Variants in PUS7L observed in about 807,000 individuals in gnomAD.
The protein encoded by PUS7L is pseudouridylate synthase PUS7L.
A neutral mutation model predicts 51.1 loss-of-function variants in PUS7L; 49 were observed. That is an observed-to-expected ratio of 0.96 (90% CI 0.76 to 1.22). The LOEUF is 1.22. PUS7L is among the 50% of genes most tolerant of loss of function. PUS7L has a pLI of 0.00. For missense variants in PUS7L, 828 were observed against 820.6 expected (o/e 1.01, Z -0.11); for synonymous variants, 277 against 276.2 (o/e 1.00, Z -0.03).
Position 43,751,233 on chromosome 12 carries a change from A to C in PUS7L, c.911-2624T>G, listed in dbSNP as rs1460255149. Among the ~76,000 whole-genome samples the C allele has an allele frequency of 4.0e-4, 61 of 151,628 alleles. 1 individual carries two copies. The highest frequency in any genetic ancestry group is 4.0e-3 in the Admixed American group (61 of 15,200). On this transcript the variant is annotated intron_variant, in intron 2 of 8. Transcript: ENST00000344862. ...ATTATTATACTTTAAGTTCTAGGGTACATGTGCACAACATGCAGGTTTGTT... is the reference window on the plus strand; with the variant it reads ...ATTATTATACTTTAAGTTCTAGGGTCCATGTGCACAACATGCAGGTTTGTT...
chr12:43,743,626 G>C (rs905326507), intron 4 of PUS7L, among the ~76,000 whole-genome samples: 1 of 152,216 alleles, frequency 6.6e-6, no homozygotes, highest in African/African-American at 2.4e-5. Flanking sequence ...AGCTGGGCGT[G>C]GTGGCGGGCA....
intron 2 of PUS7L, among the ~76,000 whole-genome samples, chr12:43,751,008 A>G (rs1938414269): frequency 6.6e-6 from 1 of 152,072 alleles, no homozygotes; most frequent in African/African-American, 2.4e-5. Flanking sequence ...AATGCTATGT[A>G]TTATTTATTG....
At chr12:43,750,840 G>A (rs9783418) in intron 2 of PUS7L, among the ~76,000 whole-genome samples, 35,140 of 152,124 alleles carry the variant, frequency 0.23, 6,472 homozygotes, top group African/African-American at 0.51. Context: ...TGCTGAGTTA[G>A]GAGGGTAGAT....
At chr12:43,742,603 A>G (rs1937956813) in intron 4 of PUS7L, 48 bp from the exon 5 acceptor site, 6 of 1,491,314 alleles carry the variant, frequency 4.0e-6, no homozygotes, top group South Asian at 2.6e-5. Context: ...AAATACAATT[A>G]TGTGTCAAAA....
At chr12:43,731,795 A>C (rs768977332) in intron 7 of PUS7L, 37 bp from the exon 8 acceptor site, 1 of 1,276,872 alleles carries the variant, frequency 7.8e-7, no homozygotes, top group South Asian at 1.3e-5. Flanking sequence ...AATGATTCCC[A>C]AATGTTCCAA....
rs1431345560 is a variant in PUS7L, at chr12:43,736,444, T to C, written c.1662A>G (p.Val554=). 9 of 1,614,104 alleles carry C rather than the reference T, an allele frequency of 5.6e-6. No homozygotes were observed. The highest frequency in any genetic ancestry group is 1.1e-5 in the South Asian group (1 of 91,094). The change falls in exon 7 of 9, where the codon GTA becomes GTG. Residue 554 remains valine, a synonymous_variant. Coordinates refer to ENST00000344862, the MANE Select transcript of PUS7L (RefSeq NM_031292.5). ...CCAAACAGACCAAATCACCCTGCAC[T>C]ACTCTTGCTCCATAGGTTTCAAGTC... ...SYRLETYGAR[V]VQGDLVCLDE... is the part of the protein sequence containing the mutation.
In PUS7L at chr12:43,730,311, A is replaced by T; in HGVS notation, c.*65T>A. On this transcript the variant is annotated 3_prime_UTR_variant, in exon 9 of 9. Transcript: ENST00000344862. ...AGTTCCTAACACATGGAAGGTGCTT[A>T]AGACATTTTAGCCCCCTTTCCTTCA... 1 of 1,189,278 alleles carries T rather than the reference A, an allele frequency of 8.4e-7. No homozygotes were observed. Among genetic ancestry groups the T allele is most frequent in the Non-Finnish European group, 1.2e-6 (1 of 824,020 alleles). The allele number at this position is 1,189,278 out of a possible 1,614,324, so 73.7% of individuals were successfully genotyped here. A position where few individuals can be genotyped will look rare whatever the true frequency, so the allele number is the denominator to read the frequency against.
At chr12:43,752,023 T>G (rs957434237) in intron 2 of PUS7L, among the ~76,000 whole-genome samples, 1 of 152,254 alleles carries the variant, frequency 6.6e-6, no homozygotes, top group Non-Finnish European at 1.5e-5. Context: ...TCTGTTCATA[T>G]CCTTTGCCCA....
At position 43,758,654 on chromosome 12, in the gene PUS7L, ACC is replaced by A. The variant is rs760755963; in HGVS notation, c.-17+74_-17+75del. 5.8e-3 allele frequency: 2,650 copies of A among 460,122 alleles called. 9 individuals are homozygous for A. The highest frequency in any genetic ancestry group is 6.2e-3 in the South Asian group (54 of 8,742). The allele number at this position is 460,122 out of a possible 1,614,324, so 28.5% of individuals were successfully genotyped here. ...ATGGATCCTCAATGCCAACCTCGTC[ACC>A]CCCCCCCCCCACACACACACACACA... is the stretch of plus-strand genomic sequence containing the variant. On this transcript the variant is annotated intron_variant, in intron 1 of 8. Transcript: ENST00000344862.
At chr12:43,736,756 A>G (rs893773134) in intron 6 of PUS7L, 95 bp from the exon 7 acceptor site, 1 of 1,099,218 alleles carries the variant, frequency 9.1e-7, no homozygotes, top group Non-Finnish European at 1.3e-6. Flanking sequence ...GGCAATGAAC[A>G]TGGGTATTAA....
chr12:43,733,991 T>C (rs1944621876), intron 7 of PUS7L, among the ~76,000 whole-genome samples: 1 of 152,222 alleles, frequency 6.6e-6, no homozygotes, highest in Non-Finnish European at 1.5e-5. Context: ...CGACATCTGA[T>C]GTTCTGGCTT....
intron 4 of PUS7L, 65 bp from the exon 5 acceptor site, chr12:43,742,620 A>G: frequency 1.4e-6 from 2 of 1,479,712 alleles, no homozygotes; most frequent in Non-Finnish European, 1.8e-6. Context: ...AAAATACACA[A>G]TTGAATTTTT....
At position 43,754,434 on chromosome 12, in the gene PUS7L, T is replaced by C. The variant is rs765623979; in HGVS notation, c.812A>G (p.Asn271Ser). 5 of 1,613,848 alleles carry C rather than the reference T, an allele frequency of 3.1e-6. No homozygotes were observed. The highest frequency in any genetic ancestry group is 4.2e-6 in the Non-Finnish European group (5 of 1,179,788). The part of the protein sequence containing the change: ...SFSKMNCSAG[N>S]PNVVVTVRFR... ...TCTTACTGTTACCACCACATTCGGA[T>C]TACCAGCACTGCAATTCATTTTAGA... is the stretch of plus-strand genomic sequence containing the variant. Residue 271 changes from asparagine to serine, a missense_variant, in exon 2 of 9, where the codon AAT (asparagine) becomes AGT (serine). By Grantham distance (46) the Asn-to-Ser change is conservative. Coordinates refer to ENST00000344862, the MANE Select transcript of PUS7L (RefSeq NM_031292.5).
intron 4 of PUS7L, among the ~76,000 whole-genome samples, chr12:43,744,415 T>G (rs866850177): frequency 8.5e-5 from 13 of 152,334 alleles, no homozygotes; most frequent in African/African-American, 3.1e-4. Flanking sequence ...GTTTTACAAG[T>G]GTCTGGCATT....
chr12:43,730,691 TG>T lies in PUS7L; in HGVS notation c.1790del (p.Pro597GlnfsTer14), dbSNP rs1166012369. 3.8e-6 allele frequency: 6 copies of T among 1,592,896 alleles called. No individual in the cohort carries two copies. In the East Asian group the frequency reaches 1.4e-4, roughly 36 times the overall value. On this transcript the variant is annotated frameshift_variant, in exon 9 of 9. Transcript: ENST00000344862. LOFTEE classifies it low-confidence loss of function (END_TRUNC). ...GGTACTGAATATTGTATCCAAGTAC[TG>T]GAAGAACCACCTGTGAAAGAAAAGA... is the stretch of plus-strand genomic sequence containing the variant. ...NMYAIHQVVL[P>X]VLGYNIQYPK...
Position 43,738,406 on chromosome 12 carries a change from C to A in PUS7L, c.1363-15G>T. On this transcript the variant is annotated splice_polypyrimidine_tract_variant and intron_variant, in intron 5 of 8. Coordinates refer to ENST00000344862, the MANE Select transcript of PUS7L (RefSeq NM_031292.5). ...ATGGCTTTCATCTTAAAAAATCAAG[C>A]AGGTAAACATGTGTTAATGAAAATG... 1 of 1,390,172 alleles carries A rather than the reference C, an allele frequency of 7.2e-7. No individual in the cohort carries two copies. The highest frequency in any genetic ancestry group is 1.4e-5 in the African/African-American group (1 of 70,038). The allele number at this position is 1,390,172 out of a possible 1,614,324, so 86.1% of individuals were successfully genotyped here.
At position 43,723,567 on chromosome 12, in the gene PUS7L, T is replaced by C. The variant is rs548288619; in HGVS notation, c.*6809A>G. 6.6e-6 allele frequency: 1 copy of C among 152,224 alleles called. No homozygotes were observed. The highest frequency in any genetic ancestry group is 2.1e-4 in the South Asian group (1 of 4,830). The allele number at this position is 152,224 out of a possible 1,614,324, so 9.4% of individuals were successfully genotyped here. On this transcript the variant is annotated 3_prime_UTR_variant, in exon 9 of 9. Coordinates refer to ENST00000344862, the MANE Select transcript of PUS7L (RefSeq NM_031292.5). ...TTAGTCTGCATATTCCACTTGCAAG[T>C]GGCATTTCAAATCAAATGAAAACAA...
Position 43,729,429 on chromosome 12 carries a change from A to G in PUS7L, c.*947T>C. ...TCTTCCTAAATCAATACATGTCTAC[A>G]TGCCAGTCATTCCTCCCCAACACAC... On this transcript the variant is annotated 3_prime_UTR_variant, in exon 9 of 9. Coordinates refer to ENST00000344862, the MANE Select transcript of PUS7L (RefSeq NM_031292.5). The G allele has an allele frequency of 5.4e-6, 2 of 373,050 alleles. No individual in the cohort carries two copies. The highest frequency in any genetic ancestry group is 7.5e-5 in the East Asian group (2 of 26,784). 23.1% of individuals were successfully genotyped at this position (373,050 alleles called of 1,614,324 possible). A position where few individuals can be genotyped will look rare whatever the true frequency, so the allele number is the denominator to read the frequency against.
In PUS7L at chr12:43,746,115, A is replaced by G; in HGVS notation, c.1194T>C (p.Asn398=). 6.6e-7 allele frequency: 1 copy of G among 1,522,232 alleles called. No individual in the cohort carries two copies. Among genetic ancestry groups the G allele is most frequent in the Non-Finnish European group, 9.1e-7 (1 of 1,100,812 alleles). 94.3% of individuals were successfully genotyped at this position (1,522,232 alleles called of 1,614,324 possible). A position where few individuals can be genotyped will look rare whatever the true frequency, so the allele number is the denominator to read the frequency against. ...CAGAATCATTTATTTGTTTTTTTAA[A>G]TTTCTAATGACAATATCAAAGTGAT... ...KGNHFDIVIR[N]LKKQINDSAN... Residue 398 remains asparagine (N), a synonymous_variant, in exon 4 of 9, where the codon AAT becomes AAC. Coordinates refer to ENST00000344862, the MANE Select transcript of PUS7L (RefSeq NM_031292.5).
Sources: gnomAD v4.1 joint callset for allele counts (sites outside exome capture counted in the v4.1 genomes callset) on GRCh38, gnomAD v4.1.1 for gene constraint, MANE v1.5 for transcripts, NCBI Gene and HGNC (gene_info 2026-07-23, HGNC 2026-07-21) for gene names.